Variants in DPP6 observed in about 807,000 individuals in gnomAD.
The protein encoded by DPP6 is A-type potassium channel modulatory protein DPP6.
In DPP6, 69 loss-of-function variants were observed where a neutral mutation model predicts 122.6. The ratio of observed to expected loss-of-function variants is 0.56; its 90% confidence interval spans 0.46 to 0.69. DPP6 has a LOEUF of 0.69. Among genes scored for constraint, DPP6 ranks in the 30% least tolerant of loss-of-function variants. DPP6 has a pLI of 0.00. For missense variants in DPP6, 928 were observed against 1,116.9 expected (o/e 0.83, Z 2.41); for synonymous variants, 418 against 433.1 (o/e 0.97, Z 0.43).
intron 3 of DPP6, among the ~76,000 whole-genome samples, chr7:154,507,081 G>T (rs1383189801): frequency 6.6e-6 from 1 of 152,058 alleles, no homozygotes; most frequent in Non-Finnish European, 1.5e-5. Flanking sequence ...ATCTCCTGAG[G>T]CATTTTTTCT....
At chr7:154,861,263 CAT>C (rs1188319023) in intron 17 of DPP6, among the ~76,000 whole-genome samples, 1 of 152,176 alleles carries the variant, frequency 6.6e-6, no homozygotes, top group Non-Finnish European at 1.5e-5. Context: ...TTTGAAAAAT[CAT>C]GTTTCCCCTA....
At chr7:153,926,350 A>G (rs140584696) in intron 1 of DPP6, among the ~76,000 whole-genome samples, 1 of 152,334 alleles carries the variant, frequency 6.6e-6, no homozygotes, top group African/African-American at 2.4e-5. Flanking sequence ...AAAAGGAGAA[A>G]ACAATTTTGA....
intron 1 of DPP6, among the ~76,000 whole-genome samples, chr7:154,137,390 G>A (rs1795610328): frequency 6.6e-6 from 1 of 151,668 alleles, no homozygotes; most frequent in Non-Finnish European, 1.5e-5. Context: ...ACCTTCTCTA[G>A]AGAGATAACA....
chr7:154,227,029 A>G (rs933984788), intron 1 of DPP6, among the ~76,000 whole-genome samples: 1 of 150,820 alleles, frequency 6.6e-6, no homozygotes, highest in Non-Finnish European at 1.5e-5. Flanking sequence ...GTTCCGTCAA[A>G]AAATCAAAAA....
rs568270079 is a variant in DPP6, at chr7:153,905,392, G to A, written c.51+17658G>A. Reference sequence around the variant, plus strand: ...TTTGCTTCTGAGGCCTTCATTTTGGGTTATCATTTTCTGGGCCTCAGCAAA... The same window carrying A: ...TTTGCTTCTGAGGCCTTCATTTTGGATTATCATTTTCTGGGCCTCAGCAAA... On this transcript the variant is annotated intron_variant, in intron 1 of 25. Coordinates refer to the DPP6 transcript ENST00000404039. Among the ~76,000 whole-genome samples the A allele has an allele frequency of 3.4e-4, 52 of 152,160 alleles. 1 individual carries two copies. The South Asian group carries it at 0.011, about 32-fold the overall frequency.
chr7:154,317,135 T>G (rs1807503891), intron 1 of DPP6, among the ~76,000 whole-genome samples: 1 of 152,234 alleles, frequency 6.6e-6, no homozygotes, highest in East Asian at 1.9e-4. Flanking sequence ...ACAGATTTAC[T>G]TCCAATGAAG....
At chr7:154,466,682 C>G (rs1167301306) in intron 2 of DPP6, among the ~76,000 whole-genome samples, 1 of 152,164 alleles carries the variant, frequency 6.6e-6, no homozygotes, top group Non-Finnish European at 1.5e-5. Flanking sequence ...GTTAGGGTGT[C>G]AACATATGGA....
chr7:154,852,738 A>G (rs1802510588), intron 16 of DPP6, among the ~76,000 whole-genome samples: 1 of 152,250 alleles, frequency 6.6e-6, no homozygotes, highest in African/African-American at 2.4e-5. Context: ...TATGCTGATC[A>G]TTACATATTA....
chr7:154,127,597 T>TCACACACA lies in DPP6; in HGVS notation c.243+74563_243+74570dup, dbSNP rs71182879. Among the ~76,000 whole-genome samples the TCACACACA allele has an allele frequency of 5.6e-3, 770 of 136,620 alleles. 9 individuals carry two copies. The highest frequency in any genetic ancestry group is 0.022 in the African/African-American group (714 of 32,428). 89.6% of individuals were successfully genotyped at this position (136,620 alleles called of 152,430 possible). A position where few individuals can be genotyped will look rare whatever the true frequency, so the allele number is the denominator to read the frequency against. Reference sequence around the variant, plus strand: ...AGTTGGGGTAAACAGGAGCAGCATCTCACACACACACACACACACACACAC... The same window carrying TCACACACA: ...AGTTGGGGTAAACAGGAGCAGCATCTCACACACACACACACACACACACACACACACAC... On this transcript the variant is annotated intron_variant, in intron 1 of 25. Transcript: ENST00000377770.
At chr7:153,753,922 A>G in the DPP6 span, among the ~76,000 whole-genome samples, 1 of 152,208 alleles carries the variant, frequency 6.6e-6, no homozygotes, top group African/African-American at 2.4e-5. Context: ...TATTCTACCA[A>G]TGAATTACTA....
intron 1 of DPP6, among the ~76,000 whole-genome samples, chr7:154,061,923 AC>A (rs1393767451): frequency 2.5e-5 from 3 of 118,910 alleles, no homozygotes; most frequent in Non-Finnish European, 1.7e-5. Flanking sequence ...GGCTCTGAGG[AC>A]CCCCATCGCA....
chr7:154,748,227 G>T (rs1587009865), intron 8 of DPP6, among the ~76,000 whole-genome samples: 1 of 152,184 alleles, frequency 6.6e-6, no homozygotes, highest in African/African-American at 2.4e-5. Context: ...TTGGGAGTCG[G>T]CTTGCTCCTC....
At position 154,624,951 on chromosome 7, in the gene DPP6, G is replaced by T. The variant is rs192607955; in HGVS notation, c.628-12870G>T. Among the ~76,000 whole-genome samples, 45 of 152,306 alleles carry T rather than the reference G, an allele frequency of 3.0e-4. No homozygotes were observed. The highest frequency in any genetic ancestry group is 6.5e-4 in the Admixed American group (10 of 15,296). ...CCACCTTAACACACACAACAATGTG[G>T]ACACCACCATAAACTGTGACATCAC... On this transcript the variant is annotated intron_variant, in intron 5 of 25. Coordinates refer to ENST00000377770, the MANE Select transcript of DPP6 (RefSeq NM_130797.4). The surrounding 1 kb of genome is among the most constrained non-coding windows in gnomAD (Gnocchi z 4.7).
chr7:154,834,343 G>C (rs1030011388), intron 16 of DPP6, among the ~76,000 whole-genome samples: 1 of 151,634 alleles, frequency 6.6e-6, no homozygotes, highest in East Asian at 1.9e-4. Flanking sequence ...AGTTGTGGTG[G>C]TGCGTGCCTG....
intron 1 of DPP6, among the ~76,000 whole-genome samples, chr7:154,046,588 A>C (rs1800027275): frequency 6.6e-6 from 1 of 152,250 alleles, no homozygotes; most frequent in African/African-American, 2.4e-5. Flanking sequence ...GCTGCTACTC[A>C]GACTGTCCCA....
intron 10 of DPP6, among the ~76,000 whole-genome samples, chr7:154,781,339 G>A (rs1294627959): frequency 6.6e-6 from 1 of 152,140 alleles, no homozygotes; most frequent in Non-Finnish European, 1.5e-5. Flanking sequence ...TGTTGAAAAA[G>A]GATGCCGCAG....
chr7:154,435,233 A>T (rs1334608158), intron 1 of DPP6, among the ~76,000 whole-genome samples: 2 of 152,086 alleles, frequency 1.3e-5, no homozygotes, highest in Non-Finnish European at 2.9e-5. Flanking sequence ...GGACAGAGAG[A>T]CAGAGAGAGA....
chr7:154,645,803 T>C (rs1351509108), intron 6 of DPP6, among the ~76,000 whole-genome samples: 1 of 151,502 alleles, frequency 6.6e-6, no homozygotes, highest in Non-Finnish European at 1.5e-5. Context: ...CCAAGGCGGG[T>C]GGATCACAAA....
At chr7:153,896,708 G>A (rs1799429278) in intron 1 of DPP6, among the ~76,000 whole-genome samples, 1 of 152,188 alleles carries the variant, frequency 6.6e-6, no homozygotes, top group South Asian at 2.1e-4. Context: ...AGCTACTGAG[G>A]AGGCTGAGGC....
Sources: gnomAD v4.1 joint callset for allele counts (sites outside exome capture counted in the v4.1 genomes callset) on GRCh38, gnomAD v4.1.1 for gene constraint, Gnocchi (gnomAD v3.1) non-coding constraint, MANE v1.5 for transcripts, NCBI Gene and HGNC (gene_info 2026-07-23, HGNC 2026-07-21) for gene names.